RDH13: variants seen among roughly 807,000 people sequenced by gnomAD.
The protein encoded by RDH13 is retinol dehydrogenase 13, also known as retinol dehydrogenase 13 (all-trans and 9-cis).
Under a neutral mutation model 28.3 loss-of-function variants are expected in RDH13, and 35 were observed. That is an observed-to-expected ratio of 1.24 (90% CI 0.95 to 1.64). The LOEUF is 1.64. Among genes scored for constraint, RDH13 ranks in the 40% most tolerant of loss-of-function variants. The pLI is 0.00. For missense variants in RDH13, 514 were observed against 446.3 expected, an observed-to-expected ratio of 1.15 and a Z score of -1.37; for synonymous variants, 229 against 198.5, an observed-to-expected ratio of 1.15 and a Z score of -1.29.
At position 55,046,149 on chromosome 19, in the gene RDH13, A is replaced by C. The variant is rs538068713; in HGVS notation, c.761-840T>G. On this transcript the variant is annotated intron_variant, in intron 6 of 6. Transcript: ENST00000415061. ...CAATCTCAGCTACTTTGGGAGGCTGAGACAGGAGAATCACTTGAACCGAGG... is the reference window on the plus strand; with the variant it reads ...CAATCTCAGCTACTTTGGGAGGCTGCGACAGGAGAATCACTTGAACCGAGG... 2.8e-5 allele frequency among the ~76,000 whole-genome samples: 4 copies of C among 144,428 alleles called. No individual in the cohort carries two copies. The South Asian group carries it at 9.1e-4, about 33-fold the overall frequency. The allele number at this position is 144,428 out of a possible 152,430, so 94.8% of individuals were successfully genotyped here. A position where few individuals can be genotyped will look rare whatever the true frequency, so the allele number is the denominator to read the frequency against.
At chr19:55,061,567 G>A (rs1033839241) in intron 1 of RDH13, among the ~76,000 whole-genome samples, 1 of 151,552 alleles carries the variant, frequency 6.6e-6, no homozygotes, top group Non-Finnish European at 1.5e-5. Flanking sequence ...AAGACAGGAG[G>A]ATCACTTGAG....
At chr19:55,051,330 G>A (rs572319651) in intron 3 of RDH13, among the ~76,000 whole-genome samples, 7 of 152,360 alleles carry the variant, frequency 4.6e-5, no homozygotes, top group Non-Finnish European at 8.8e-5. Context: ...GGCAGCAGGC[G>A]CAGCACGGGT....
Position 55,062,554 on chromosome 19 carries a change from C to T in RDH13, c.65+414G>A, listed in dbSNP as rs181542356. On this transcript the variant is annotated intron_variant, in intron 1 of 6. Transcript: ENST00000415061. ...AAAATTAGCCGGGCGTGGTGGCGCA[C>T]GTGTGATCTCAGCTCCTGGGGACGC... 2.6e-5 allele frequency among the ~76,000 whole-genome samples: 4 copies of T among 152,238 alleles called. No individual in the cohort carries two copies. In the East Asian group the frequency reaches 5.8e-4, roughly 22 times the overall value.
rs756959079 is a variant in RDH13 at position 55,045,203 on chromosome 19, A to ATCGAAGTACTTTC, written c.854_866dup (p.Asp289GlufsTer17). The ATCGAAGTACTTTC allele has an allele frequency of 3.1e-6, 5 of 1,613,558 alleles. No homozygotes were observed. The highest frequency in any genetic ancestry group is 3.4e-6 in the Non-Finnish European group (4 of 1,180,024). On this transcript the variant is annotated frameshift_variant, in exon 7 of 7. Coordinates refer to ENST00000415061, the MANE Select transcript of RDH13 (RefSeq NM_001145971.2). LOFTEE classifies it high-confidence loss of function. ...GGGCCGGGGCCTTCTGTTTGAGTCC[A>ATCGAAGTACTTTC]TCGAAGTACTTTCCGGAAACATCCG...
upstream of RDH13, chr19:55,064,492 C>G (rs188004421): frequency 1.3e-5 from 2 of 152,010 alleles, no homozygotes; most frequent in African/African-American, 4.8e-5. Flanking sequence ...TTACACAATG[C>G]CAAATGCTGT....
chr19:55,052,869 G>A (rs529299306), intron 3 of RDH13, among the ~76,000 whole-genome samples: 54 of 151,764 alleles, frequency 3.6e-4, no homozygotes, highest in South Asian at 6.2e-4. Context: ...TCACCGTGTT[G>A]GCCAGGATGG....
upstream of RDH13, among the ~76,000 whole-genome samples, chr19:55,066,010 C>T (rs146513525): frequency 3.9e-5 from 6 of 152,308 alleles, no homozygotes; most frequent in South Asian, 1.2e-3. Context: ...TGAGCCACTG[C>T]GCCCAGCTAC....
chr19:55,056,469 G>A (rs1462912609), intron 3 of RDH13, among the ~76,000 whole-genome samples, 184 bp downstream of exon 3: 3 of 33,242 alleles, frequency 9.0e-5, no homozygotes, highest in African/African-American at 3.5e-4. Context: ...AATAACAGTA[G>A]TAATAAATAA....
downstream of RDH13, chr19:55,042,494 G>C (rs2075063695): frequency 6.6e-6 from 1 of 152,188 alleles, no homozygotes; most frequent in Non-Finnish European, 1.5e-5. Flanking sequence ...TTTAAAAAAG[G>C]AAAGAGTGCC....
chr19:55,056,141 G>C (rs139908601), intron 3 of RDH13, among the ~76,000 whole-genome samples: 1 of 151,856 alleles, frequency 6.6e-6, no homozygotes, highest in African/African-American at 2.4e-5. Flanking sequence ...GCAACAGAGC[G>C]AGACCCCATC....
At chr19:55,066,353 C>T (rs140198890), upstream of RDH13, among the ~76,000 whole-genome samples, 29 of 152,288 alleles carry the variant, frequency 1.9e-4, no homozygotes, top group Admixed American at 1.8e-3. Context: ...ACCCAATTCT[C>T]ATTCACATTC....
At chr19:55,058,734 G>T (rs1173523003) in intron 2 of RDH13, among the ~76,000 whole-genome samples, 1 of 152,122 alleles carries the variant, frequency 6.6e-6, no homozygotes, top group Non-Finnish European at 1.5e-5. Context: ...AGGCTGGAGT[G>T]CCGTGGCGCC....
intron 6 of RDH13, chr19:55,047,173 G>T (rs972706763): frequency 4.3e-6 from 6 of 1,393,220 alleles, no homozygotes; most frequent in Non-Finnish European, 4.6e-6. Flanking sequence ...TTTCTCATCC[G>T]CCAGCAGGGC....
At chr19:55,061,769 GGT>G (rs1196659330) in intron 1 of RDH13, among the ~76,000 whole-genome samples, 3 of 150,314 alleles carry the variant, frequency 2.0e-5, no homozygotes, top group East Asian at 2.0e-4. Flanking sequence ...CTCCAGCCTG[GGT>G]GACAGAGAGA....
intron 3 of RDH13, among the ~76,000 whole-genome samples, chr19:55,051,522 C>T (rs2075433582): frequency 8.1e-6 from 1 of 123,360 alleles, no homozygotes; most frequent in South Asian, 2.6e-4. Context: ...CCTCTACCGC[C>T]TGGGTTCAGG....
chr19:55,066,058 A>G (rs1371951739), upstream of RDH13, among the ~76,000 whole-genome samples: 1 of 152,210 alleles, frequency 6.6e-6, no homozygotes, highest in Non-Finnish European at 1.5e-5. Context: ...GAAGTCATTC[A>G]TAACAAGGAC....
chr19:55,047,625 G>T, intron 5 of RDH13, 137 bp from the exon 6 acceptor site: 1 of 1,402,450 alleles, frequency 7.1e-7, no homozygotes, highest in Non-Finnish European at 9.4e-7. Context: ...CTCTTGCTCT[G>T]GAATCTTAGT....
intron 3 of RDH13, among the ~76,000 whole-genome samples, chr19:55,053,242 T>C (rs2075515287): frequency 6.6e-6 from 1 of 152,192 alleles, no homozygotes; most frequent in Admixed American, 6.5e-5. Context: ...CCACATAAAA[T>C]GGACGATCTT....
chr19:55,063,245 C>T (rs182895106), upstream of RDH13: 404 of 412,478 alleles, frequency 9.8e-4, no homozygotes, highest in Non-Finnish European at 1.4e-3. Context: ...GAGCATCGGT[C>T]CTGAGCGCTG....
Sources: gnomAD v4.1 joint callset for allele counts (sites outside exome capture counted in the v4.1 genomes callset) on GRCh38, gnomAD v4.1.1 for gene constraint, MANE v1.5 for transcripts, NCBI Gene and HGNC (gene_info 2026-07-23, HGNC 2026-07-21) for gene names.